Variants in DGKG observed in about 807,000 individuals in gnomAD.
The protein encoded by DGKG is diacylglycerol kinase gamma, also known as DAG kinase gamma.
In DGKG, 78 loss-of-function variants were observed where a neutral mutation model predicts 105.3. The ratio of observed to expected loss-of-function variants is 0.74; its 90% CI spans 0.62 to 0.89. The LOEUF is 0.89. Among genes scored for constraint, DGKG ranks in the 40% least tolerant of loss-of-function variants. The pLI is 0.00. For missense variants in DGKG, 958 were observed against 1,020.1 expected, an observed-to-expected ratio of 0.94 and a Z score of 0.83; for synonymous variants, 346 against 367.1, an observed-to-expected ratio of 0.94 and a Z score of 0.66.
At chr3:186,178,245 C>A (rs897898797) in intron 22 of DGKG, among the ~76,000 whole-genome samples, 2 of 152,164 alleles carry the variant, frequency 1.3e-5, no homozygotes, top group African/African-American at 4.8e-5. Flanking sequence ...ACTTCTTGCA[C>A]CAAATAGAAA....
chr3:186,313,415 A>T (rs1724655702), intron 2 of DGKG: 1 of 812,782 alleles, frequency 1.2e-6, no homozygotes, highest in African/African-American at 1.9e-5. Flanking sequence ...AAATGATCTG[A>T]ATCACTGGTA....
At chr3:186,337,636 T>G (rs1355973565) in intron 1 of DGKG, among the ~76,000 whole-genome samples, 2 of 152,096 alleles carry the variant, frequency 1.3e-5, no homozygotes, top group Non-Finnish European at 2.9e-5. Flanking sequence ...TGCAATTAAA[T>G]AAGACAAAAT....
chr3:186,296,025 C>T (rs1034614275), intron 5 of DGKG, among the ~76,000 whole-genome samples: 2 of 151,668 alleles, frequency 1.3e-5, no homozygotes, highest in African/African-American at 4.9e-5. Flanking sequence ...ACAAGAATAG[C>T]TTGAACCTGG....
chr3:186,325,524 T>C (rs1415677817), intron 1 of DGKG, among the ~76,000 whole-genome samples: 1 of 152,188 alleles, frequency 6.6e-6, no homozygotes, highest in Non-Finnish European at 1.5e-5. Context: ...TCAACCCTTA[T>C]CCACTAGTTT....
At chr3:186,184,693 C>A (rs756262332) in intron 22 of DGKG, among the ~76,000 whole-genome samples, 14 of 152,166 alleles carry the variant, frequency 9.2e-5, no homozygotes, top group Non-Finnish European at 1.8e-4. Flanking sequence ...AGCCACTGCG[C>A]CCGGCCTGAT....
intron 22 of DGKG, among the ~76,000 whole-genome samples, chr3:186,165,618 A>C (rs1338999696): frequency 6.6e-6 from 1 of 152,228 alleles, no homozygotes. Context: ...CCAACATCAG[A>C]GTCTGTGAGC....
chr3:186,212,439 A>G (rs1719080345), intron 20 of DGKG, among the ~76,000 whole-genome samples: 1 of 152,196 alleles, frequency 6.6e-6, no homozygotes, highest in Non-Finnish European at 1.5e-5. Context: ...ACAGACTTGC[A>G]GGCAAGTTGG....
intron 20 of DGKG, among the ~76,000 whole-genome samples, chr3:186,229,546 G>A (rs2108538653): frequency 6.6e-6 from 1 of 152,160 alleles, no homozygotes; most frequent in African/African-American, 2.4e-5. Context: ...CGCCAGGCCA[G>A]ACATGCAGCT....
At chr3:186,180,587 G>A (rs1717314079) in intron 22 of DGKG, among the ~76,000 whole-genome samples, 1 of 152,114 alleles carries the variant, frequency 6.6e-6, no homozygotes, top group Non-Finnish European at 1.5e-5. Context: ...GAAGAGTGGT[G>A]GCTGATCATT....
At chr3:186,348,794 C>T (rs150717728) in intron 1 of DGKG, among the ~76,000 whole-genome samples, 145 of 152,112 alleles carry the variant, frequency 9.5e-4, no homozygotes, top group African/African-American at 2.6e-3. Context: ...CATACCTCAA[C>T]TTATTTCTGA....
intron 20 of DGKG, among the ~76,000 whole-genome samples, chr3:186,217,279 C>T (rs1314237240): frequency 6.6e-6 from 1 of 151,082 alleles, no homozygotes; most frequent in Non-Finnish European, 1.5e-5. Flanking sequence ...ATTTTTTTTT[C>T]CCCTCTTACA....
chr3:186,317,422 C>A (rs1225513243), intron 2 of DGKG, among the ~76,000 whole-genome samples: 2 of 152,228 alleles, frequency 1.3e-5, no homozygotes, highest in African/African-American at 4.8e-5. Flanking sequence ...CCATCACACA[C>A]CCTCCTGGGG....
chr3:186,232,245 T>G (rs1720186254), intron 20 of DGKG, among the ~76,000 whole-genome samples: 1 of 152,206 alleles, frequency 6.6e-6, no homozygotes, highest in African/African-American at 2.4e-5. Flanking sequence ...ATGAACTCAC[T>G]CCATTCAGCT....
At chr3:186,344,350 G>C (rs531470319) in intron 1 of DGKG, among the ~76,000 whole-genome samples, 1 of 152,196 alleles carries the variant, frequency 6.6e-6, no homozygotes, top group South Asian at 2.1e-4. Context: ...GCTCATCAGT[G>C]ACAGATTGGA....
intron 6 of DGKG, among the ~76,000 whole-genome samples, chr3:186,286,658 A>G (rs1284178372): frequency 6.6e-6 from 1 of 152,198 alleles, no homozygotes; most frequent in Non-Finnish European, 1.5e-5. Context: ...TTCAGTCCTT[A>G]AAGTTAAGGA....
At chr3:186,320,943 T>C (rs2108640973) in intron 1 of DGKG, among the ~76,000 whole-genome samples, 1 of 152,320 alleles carries the variant, frequency 6.6e-6, no homozygotes, top group African/African-American at 2.4e-5. Context: ...TGGGAAATGT[T>C]CCATGTGTCA....
chr3:186,247,575 AC>A (rs1390313950), intron 19 of DGKG, among the ~76,000 whole-genome samples: 2 of 152,128 alleles, frequency 1.3e-5, no homozygotes, highest in Admixed American at 1.3e-4. Flanking sequence ...AGGGAGCAAG[AC>A]CTTCTGCAAA....
intron 1 of DGKG, among the ~76,000 whole-genome samples, chr3:186,329,427 C>T (rs1240970189): frequency 6.6e-6 from 1 of 152,208 alleles, no homozygotes; most frequent in Admixed American, 6.5e-5. Flanking sequence ...TTGAATTGCA[C>T]CCTGGGTCTC....
At chr3:186,322,602 C>T (rs1488611587) in intron 1 of DGKG, among the ~76,000 whole-genome samples, 1 of 152,110 alleles carries the variant, frequency 6.6e-6, no homozygotes, top group African/African-American at 2.4e-5. Flanking sequence ...AAAATGGGCA[C>T]TTCCAAAATC....
Sources: gnomAD v4.1 joint callset for allele counts (sites outside exome capture counted in the v4.1 genomes callset) on GRCh38, gnomAD v4.1.1 for gene constraint, MANE v1.5 for transcripts, NCBI Gene and HGNC (gene_info 2026-07-23, HGNC 2026-07-21) for gene names.